The following CDH12 variants were observed in gnomAD, a reference collection of about 807,000 sequenced individuals.
The protein encoded by CDH12 is cadherin-12.
A neutral mutation model predicts 74.1 loss-of-function variants in CDH12; 41 were observed. The observed-to-expected ratio is 0.55, with a 90% CI of 0.43 to 0.72. CDH12 has a LOEUF of 0.72. Among genes scored for constraint, CDH12 ranks in the 30% least tolerant of loss-of-function variants. CDH12 has a pLI of 0.00. For missense variants in CDH12, 945 were observed against 977.2 expected, an observed-to-expected ratio of 0.97 and a Z score of 0.44; for synonymous variants, 399 against 355.0, an observed-to-expected ratio of 1.12 and a Z score of -1.39.
At chr5:22,791,588 G>T (rs1023069285) in intron 1 of CDH12, among the ~76,000 whole-genome samples, 3 of 152,136 alleles carry the variant, frequency 2.0e-5, no homozygotes, top group African/African-American at 4.8e-5. Flanking sequence ...AACTGTATTA[G>T]TCTGTTCTCA....
intron 6 of CDH12, among the ~76,000 whole-genome samples, chr5:21,929,903 C>T (rs1479461846): frequency 1.3e-5 from 2 of 152,140 alleles, no homozygotes; most frequent in African/African-American, 4.8e-5. Context: ...TAATACTGCT[C>T]TCATATATCC....
At chr5:22,630,464 T>A (rs774637967) in intron 1 of CDH12, among the ~76,000 whole-genome samples, 6 of 152,080 alleles carry the variant, frequency 3.9e-5, no homozygotes, top group Non-Finnish European at 8.8e-5. Flanking sequence ...CCCACGGAAC[T>A]GAATAGAGAA....
At chr5:21,959,819 G>A (rs1419090238) in intron 6 of CDH12, among the ~76,000 whole-genome samples, 34 of 149,844 alleles carry the variant, frequency 2.3e-4, no homozygotes, top group Admixed American at 3.3e-4. Flanking sequence ...CCAGCTACTC[G>A]GGAGGCTGAG....
chr5:22,711,073 GTTTT>G (rs10522487), intron 1 of CDH12, among the ~76,000 whole-genome samples: 44,936 of 151,592 alleles, frequency 0.3, 6,797 homozygotes, highest in South Asian at 0.34. Context: ...ATTACGCAGT[GTTTT>G]TATCCTAGTA....
intron 2 of CDH12, among the ~76,000 whole-genome samples, chr5:22,440,869 A>G (rs1744595820): frequency 6.6e-6 from 1 of 152,204 alleles, no homozygotes; most frequent in South Asian, 2.1e-4. Flanking sequence ...AGAAGATAAA[A>G]TAGTCACAGG....
chr5:22,587,912 T>G (rs893654892), intron 1 of CDH12, among the ~76,000 whole-genome samples: 16 of 148,436 alleles, frequency 1.1e-4, no homozygotes, highest in African/African-American at 3.4e-4. Flanking sequence ...GTGTGTGATA[T>G]ATATAATATA....
intron 1 of CDH12, among the ~76,000 whole-genome samples, chr5:22,740,085 A>G (rs544395423): frequency 1.3e-5 from 2 of 152,258 alleles, no homozygotes; most frequent in South Asian, 4.1e-4. Flanking sequence ...AAGTTCTTAC[A>G]TAATTGAATT....
At chr5:21,792,874 G>A (rs1452587485) in intron 10 of CDH12, among the ~76,000 whole-genome samples, 2 of 151,610 alleles carry the variant, frequency 1.3e-5, no homozygotes, top group Non-Finnish European at 3.0e-5. Flanking sequence ...TTAAGTCCAG[G>A]CTCTGTACTT....
chr5:22,736,370 A>G (rs1744723761), intron 1 of CDH12, among the ~76,000 whole-genome samples: 1 of 151,828 alleles, frequency 6.6e-6, no homozygotes. Flanking sequence ...TGAATACTGC[A>G]AAATCCTTTT....
chr5:21,773,787 C>T (rs1183916131), intron 11 of CDH12, among the ~76,000 whole-genome samples: 1 of 152,138 alleles, frequency 6.6e-6, no homozygotes, highest in Non-Finnish European at 1.5e-5. Context: ...TACATGTATA[C>T]AGTTGTACTA....
chr5:22,531,388 G>T (rs536981138), intron 1 of CDH12, among the ~76,000 whole-genome samples: 1 of 150,488 alleles, frequency 6.6e-6, no homozygotes, highest in South Asian at 2.1e-4. Context: ...AAGAAACTCT[G>T]AAAGGAGAAA....
At chr5:21,817,538 T>TAGATGATA (rs975612633) in intron 8 of CDH12, among the ~76,000 whole-genome samples, 5 of 151,708 alleles carry the variant, frequency 3.3e-5, no homozygotes, top group African/African-American at 9.7e-5. Flanking sequence ...GATAGATAGA[T>TAGATGATA]GATAGATAGA....
chr5:22,421,099 G>A (rs1005966359), intron 2 of CDH12, among the ~76,000 whole-genome samples: 2 of 152,066 alleles, frequency 1.3e-5, no homozygotes, highest in African/African-American at 4.8e-5. Flanking sequence ...GGGCTGAGAT[G>A]GTCGGGTTTT....
intron 6 of CDH12, among the ~76,000 whole-genome samples, chr5:21,884,769 TA>T (rs1242964154): frequency 2.0e-5 from 3 of 152,172 alleles, no homozygotes; most frequent in Middle Eastern, 3.4e-3. Context: ...TTTGTTTAGT[TA>T]AAAAAAAGTG....
chr5:22,211,172 A>C (rs1751512716), intron 4 of CDH12, among the ~76,000 whole-genome samples: 2 of 152,112 alleles, frequency 1.3e-5, no homozygotes, highest in South Asian at 4.1e-4. Flanking sequence ...ATCTCAAGAG[A>C]TCCATAGAAG....
At chr5:22,625,857 C>G (rs527486698) in intron 1 of CDH12, among the ~76,000 whole-genome samples, 1 of 152,072 alleles carries the variant, frequency 6.6e-6, no homozygotes, top group Non-Finnish European at 1.5e-5. Context: ...TTTCAGCATC[C>G]CCCCCACAGT....
At chr5:22,753,485 A>AGGAG (rs1458644104) in intron 1 of CDH12, among the ~76,000 whole-genome samples, 136 of 148,446 alleles carry the variant, frequency 9.2e-4, no homozygotes, top group African/African-American at 3.4e-3. Context: ...GGCCTTGGTG[A>AGGAG]GGAGTTTGGG....
chr5:22,621,830 TA>T (rs1340350717), intron 1 of CDH12, among the ~76,000 whole-genome samples: 1 of 151,706 alleles, frequency 6.6e-6, no homozygotes, highest in Non-Finnish European at 1.5e-5. Context: ...AGCTGGTAAA[TA>T]AAAAAAATCG....
intron 3 of CDH12, among the ~76,000 whole-genome samples, chr5:22,327,736 T>C (rs1219183404): frequency 6.6e-6 from 1 of 152,162 alleles, no homozygotes; most frequent in Non-Finnish European, 1.5e-5. Flanking sequence ...TCTTAAGTCA[T>C]CTCCTGATAA....
Sources: allele counts gnomAD v4.1 joint callset (sites outside exome capture counted in the v4.1 genomes callset), GRCh38; gene constraint gnomAD v4.1.1; transcripts MANE v1.5; gene names NCBI Gene and HGNC (gene_info 2026-07-23, HGNC 2026-07-21).